Variants in BCL2L13 observed in about 807,000 individuals in gnomAD.
BCL2L13 encodes the protein bcl-2-like protein 13.
BCL2L13 carries 13 observed loss-of-function variants against 25.8 expected under a neutral mutation model. That is an observed-to-expected ratio of 0.50 (90% CI 0.33 to 0.80). The LOEUF (loss-of-function observed/expected upper bound fraction) is 0.80. BCL2L13 is among the 30% of genes least tolerant of loss of function. The pLI is 0.02. For missense variants in BCL2L13, 504 were observed against 574.9 expected, an observed-to-expected ratio of 0.88 and a Z score of 1.26; for synonymous variants, 244 against 230.3, an observed-to-expected ratio of 1.06 and a Z score of -0.54.
At chr22:17,674,569 G>A (rs1175639895) in intron 2 of BCL2L13, among the ~76,000 whole-genome samples, 1 of 148,326 alleles carries the variant, frequency 6.7e-6, no homozygotes, top group African/African-American at 2.5e-5. Flanking sequence ...TCGTGCCACT[G>A]CACTCCAGCC....
intron 6 of BCL2L13, chr22:17,706,887 C>T: frequency 1.6e-6 from 2 of 1,263,770 alleles, no homozygotes; most frequent in Non-Finnish European, 2.1e-6. Context: ...GAAAGATTTA[C>T]TTTTAGATTC....
intron 2 of BCL2L13, among the ~76,000 whole-genome samples, chr22:17,662,172 A>G (rs189364831): frequency 7.2e-5 from 11 of 152,104 alleles, no homozygotes; most frequent in Admixed American, 5.9e-4. Flanking sequence ...TGCTTCCTAA[A>G]TCATGCTTAA....
intron 4 of BCL2L13, among the ~76,000 whole-genome samples, chr22:17,691,529 C>G (rs2060104627): frequency 6.6e-6 from 1 of 152,074 alleles, no homozygotes; most frequent in Admixed American, 6.6e-5. Flanking sequence ...GCCTGTAGTC[C>G]CAGCCACTCA....
At chr22:17,640,877 A>C (rs985479288) in intron 1 of BCL2L13, among the ~76,000 whole-genome samples, 1 of 131,024 alleles carries the variant, frequency 7.6e-6, no homozygotes, top group African/African-American at 3.0e-5. Context: ...TTGTTTATTA[A>C]TTTTTTATAT....
At chr22:17,663,779 C>T (rs2059148605) in intron 2 of BCL2L13, among the ~76,000 whole-genome samples, 1 of 149,168 alleles carries the variant, frequency 6.7e-6, no homozygotes, top group African/African-American at 2.5e-5. Context: ...CTCCACCCGC[C>T]TAGTTCAAGC....
At chr22:17,725,825 A>T (rs1601810500) in intron 6 of BCL2L13, among the ~76,000 whole-genome samples, 1 of 151,572 alleles carries the variant, frequency 6.6e-6, no homozygotes, top group Non-Finnish European at 1.5e-5. Context: ...GGGATGGGAA[A>T]GCCCAAACAT....
At chr22:17,706,127 A>T (rs1167427386) in intron 6 of BCL2L13, among the ~76,000 whole-genome samples, 1 of 151,728 alleles carries the variant, frequency 6.6e-6, no homozygotes, top group East Asian at 1.9e-4. Context: ...TGATCCTCCC[A>T]CCTCAGCCTC....
intron 1 of BCL2L13, among the ~76,000 whole-genome samples, chr22:17,643,803 T>C (rs1180660648): frequency 3.3e-5 from 5 of 151,790 alleles, no homozygotes; most frequent in African/African-American, 9.7e-5. Flanking sequence ...TTAGTAGAGA[T>C]GGGGTTTCAC....
intron 5 of BCL2L13, among the ~76,000 whole-genome samples, chr22:17,701,525 G>A (rs1237257631): frequency 1.3e-5 from 2 of 152,230 alleles, no homozygotes; most frequent in East Asian, 1.9e-4. Flanking sequence ...AAAGTAAATT[G>A]TGGTGATTGG....
At chr22:17,638,645 C>T (rs1185804329), upstream of BCL2L13, 4 of 1,227,416 alleles carry the variant, frequency 3.3e-6, no homozygotes, top group Non-Finnish European at 4.1e-6. Context: ...GACGGAGAGA[C>T]CTCCGGGGCC....
At chr22:17,698,095 T>C (rs1490483467) in intron 5 of BCL2L13, among the ~76,000 whole-genome samples, 1 of 149,668 alleles carries the variant, frequency 6.7e-6, no homozygotes, top group Non-Finnish European at 1.5e-5. Flanking sequence ...GGATTACAAG[T>C]GTGAGCCACT....
chr22:17,638,703 A>C, upstream of BCL2L13: 2 of 1,231,710 alleles, frequency 1.6e-6, no homozygotes, highest in Non-Finnish European at 2.0e-6. Flanking sequence ...GATGTCAGGT[A>C]GTTCAGGTCC....
chr22:17,679,206 G>A (rs2059659785), intron 2 of BCL2L13, among the ~76,000 whole-genome samples: 1 of 151,010 alleles, frequency 6.6e-6, no homozygotes, highest in East Asian at 1.9e-4. Context: ...ATGTGATTGT[G>A]AATCTGGCCC....
chr22:17,644,761 TG>T (rs1555874929), intron 1 of BCL2L13, among the ~76,000 whole-genome samples: 1 of 151,300 alleles, frequency 6.6e-6, no homozygotes, highest in Non-Finnish European at 1.5e-5. Context: ...ACAGTATAAG[TG>T]TGATACTCTA....
At chr22:17,693,353 A>AGTGTT (rs2060160334) in intron 4 of BCL2L13, among the ~76,000 whole-genome samples, 1 of 99,454 alleles carries the variant, frequency 1.0e-5, no homozygotes, top group Non-Finnish European at 2.1e-5. Context: ...TTATTTATTT[A>AGTGTT]TTTATTTATT....
At chr22:17,654,745 A>G (rs2058799055) in intron 1 of BCL2L13, among the ~76,000 whole-genome samples, 2 of 150,688 alleles carry the variant, frequency 1.3e-5, no homozygotes, top group Non-Finnish European at 3.0e-5. Flanking sequence ...TTTTTAAGAC[A>G]GGGTCTTGCC....
intron 2 of BCL2L13, among the ~76,000 whole-genome samples, chr22:17,669,068 T>C (rs2059334851): frequency 6.9e-6 from 1 of 145,158 alleles, no homozygotes; most frequent in Non-Finnish European, 1.5e-5. Flanking sequence ...AGTCTCGCTC[T>C]GTCGCCCAGG....
chr22:17,655,930 T>C, intron 2 of BCL2L13, 98 bp downstream of exon 2: 2 of 1,238,822 alleles, frequency 1.6e-6, no homozygotes, highest in Non-Finnish European at 2.2e-6. Flanking sequence ...TATCAAATAG[T>C]ACTAATAAGC....
At chr22:17,715,168 A>T (rs1461624166) in intron 6 of BCL2L13, among the ~76,000 whole-genome samples, 730 of 6,544 alleles carry the variant, frequency 0.11, 76 homozygotes, top group South Asian at 0.36. Flanking sequence ...ATATATATAT[A>T]TATTTTTTTT....
Sources: allele counts gnomAD v4.1 joint callset (sites outside exome capture counted in the v4.1 genomes callset), GRCh38; gene constraint gnomAD v4.1.1; transcripts MANE v1.5; gene names NCBI Gene and HGNC (gene_info 2026-07-23, HGNC 2026-07-21).